Variants in RAB19 observed in about 807,000 individuals in gnomAD.
RAB19 encodes ras-related protein Rab-19.
Under a neutral mutation model 17.3 loss-of-function variants are expected in RAB19, and 21 were observed. The ratio of observed to expected loss-of-function variants is 1.21; its 90% confidence interval spans 0.86 to 1.74. RAB19 has a LOEUF of 1.74. RAB19 is among the 40% of genes most tolerant of loss of function. The pLI is 0.00. For synonymous variants in RAB19, 126 were observed against 110.4 expected (o/e 1.14, Z -0.88); for missense variants, 277 against 286.8 (o/e 0.97, Z 0.25).
intron 1 of RAB19, among the ~76,000 whole-genome samples, chr7:140,406,634 T>C (rs2130080720): frequency 6.6e-6 from 1 of 151,180 alleles, no homozygotes; most frequent in South Asian, 2.1e-4. Context: ...GCGAGACTCT[T>C]TGTCTCAAAA....
intron 1 of RAB19, among the ~76,000 whole-genome samples, chr7:140,406,452 C>T (rs976648398): frequency 3.3e-5 from 5 of 151,356 alleles, no homozygotes; most frequent in Non-Finnish European, 2.9e-5. Flanking sequence ...CCAGCCTGAC[C>T]AACATGGTGA....
intron 3 of RAB19, among the ~76,000 whole-genome samples, chr7:140,425,353 C>T (rs1202662355): frequency 6.6e-6 from 1 of 152,000 alleles, no homozygotes; most frequent in Admixed American, 6.6e-5. Flanking sequence ...ATCCTGATCA[C>T]AGTCTACTCA....
At chr7:140,406,278 A>G (rs1412855120) in intron 1 of RAB19, among the ~76,000 whole-genome samples, 2 of 148,536 alleles carry the variant, frequency 1.3e-5, no homozygotes, top group African/African-American at 5.0e-5. Flanking sequence ...AAGGAAATAT[A>G]TATTTTTCAA....
Position 140,411,927 on chromosome 7 carries a change from C to T in RAB19, c.255C>T (p.Ser85=). 6.2e-7 allele frequency: 1 copy of T among 1,614,230 alleles called. No individual in the cohort carries two copies. Among genetic ancestry groups the T allele is most frequent in the Non-Finnish European group, 8.5e-7 (1 of 1,180,042 alleles). ...GQERFRTITQ[S]YYRSAHAAII... ...AGCGCTTCCGCACCATCACCCAAAG[C>T]TACTACCGCAGTGCCCACGCAGCCA... The change falls in exon 3 of 4, where the codon AGC becomes AGT. Residue 85 remains serine, a synonymous_variant. Transcript: ENST00000537763.
chr7:140,407,879 C>CTTTTTTTTTT (rs1563068677), intron 2 of RAB19, 32 bp downstream of exon 2: 1 of 836,854 alleles, frequency 1.2e-6, no homozygotes, highest in African/African-American at 1.9e-5. Context: ...ACTGGTTCCA[C>CTTTTTTTTTT]CTTTTTTTTT....
Position 140,420,953 on chromosome 7 carries a change from C to T in RAB19, c.386-4929C>T, listed in dbSNP as rs11983189. ...TGTCGCCCAGGTTGGAGTGCAGTGGCGCGATATTGACTCACTGCAACCTCC... is the reference window on the plus strand; with the variant it reads ...TGTCGCCCAGGTTGGAGTGCAGTGGTGCGATATTGACTCACTGCAACCTCC... On this transcript the variant is annotated intron_variant, in intron 3 of 3. Transcript: ENST00000537763. Among the ~76,000 whole-genome samples the T allele has an allele frequency of 5.0e-3, 761 of 151,512 alleles. 10 individuals carry two copies. Among genetic ancestry groups the T allele is most frequent in the Middle Eastern group, 0.017 (5 of 288 alleles).
chr7:140,411,122 G>A (rs1799352588), intron 2 of RAB19: 7 of 1,366,718 alleles, frequency 5.1e-6, no homozygotes, highest in Non-Finnish European at 6.9e-6. Context: ...CCTCTCGGCC[G>A]GGCGCAGTGG....
intron 2 of RAB19, 149 bp from the exon 3 acceptor site, chr7:140,411,725 T>C: frequency 1.3e-6 from 2 of 1,505,660 alleles, no homozygotes; most frequent in Non-Finnish European, 1.8e-6. Flanking sequence ...ACTGAAAGAA[T>C]AGATCCCTGG....
At chr7:140,421,510 C>T (rs1415395678) in intron 3 of RAB19, among the ~76,000 whole-genome samples, 2 of 152,140 alleles carry the variant, frequency 1.3e-5, no homozygotes, top group Non-Finnish European at 2.9e-5. Context: ...CAGGCACGTG[C>T]CACTACGCCC....
rs990087609 is a variant in RAB19, at chr7:140,416,078, C to T, written c.385+4021C>T. Among the ~76,000 whole-genome samples, 13 of 151,984 alleles carry T rather than the reference C, an allele frequency of 8.6e-5. 1 individual carries two copies. In the East Asian group the frequency reaches 2.1e-3, roughly 25 times the overall value. On this transcript the variant is annotated intron_variant, in intron 3 of 3. Transcript: ENST00000537763. ...AAACAAACAGCCGGGTGCAGTGGCT[C>T]ACGTCTGTAATCCTAGCACTTTGGG...
intron 3 of RAB19, among the ~76,000 whole-genome samples, chr7:140,423,729 C>T (rs1447111412): frequency 2.0e-5 from 3 of 152,180 alleles, no homozygotes; most frequent in Non-Finnish European, 4.4e-5. Flanking sequence ...GAGAATAGAA[C>T]TGTTCAGTGC....
intron 2 of RAB19, among the ~76,000 whole-genome samples, chr7:140,410,134 C>T (rs1046063918): frequency 1.3e-5 from 2 of 150,758 alleles, no homozygotes; most frequent in African/African-American, 4.9e-5. Context: ...GTATGAGGTT[C>T]TTTTTTTATG....
chr7:140,421,372 G>T (rs1307141342), intron 3 of RAB19, among the ~76,000 whole-genome samples: 1 of 151,142 alleles, frequency 6.6e-6, no homozygotes, highest in African/African-American at 2.4e-5. Context: ...GTTTTGTTTT[G>T]TTTTTTGAGA....
chr7:140,416,828 C>T (rs1379397923), intron 3 of RAB19, among the ~76,000 whole-genome samples: 1 of 152,062 alleles, frequency 6.6e-6, no homozygotes, highest in African/African-American at 2.4e-5. Context: ...GTGGCTCACA[C>T]CTATAAATCC....
chr7:140,425,560 A>T (rs1799649505), intron 3 of RAB19, among the ~76,000 whole-genome samples: 1 of 151,720 alleles, frequency 6.6e-6, no homozygotes, highest in Admixed American at 6.6e-5. Context: ...CACCTTCTCT[A>T]CTAAAAATAC....
At chr7:140,410,334 T>TTTG (rs1799334474) in intron 2 of RAB19, among the ~76,000 whole-genome samples, 1 of 138,800 alleles carries the variant, frequency 7.2e-6, no homozygotes, top group Non-Finnish European at 1.6e-5. Context: ...TTTTTTTTTT[T>TTTG]TTTGAGACGG....
Position 140,415,773 on chromosome 7 carries a change from T to C in RAB19, c.385+3716T>C, listed in dbSNP as rs573414152. On this transcript the variant is annotated intron_variant, in intron 3 of 3. Transcript: ENST00000537763. ...TACAAAAATTAGCCAGATGTGGTGG[T>C]GCACGCCTGGAGTCCCAGCTACTCA... Among the ~76,000 whole-genome samples the C allele has an allele frequency of 1.5e-4, 16 of 103,780 alleles. No homozygotes were observed. In the East Asian group the frequency reaches 2.8e-3, roughly 18 times the overall value. 68.1% of individuals were successfully genotyped at this position (103,780 alleles called of 152,430 possible).
At chr7:140,407,409 C>T (rs1194525511) in intron 1 of RAB19, among the ~76,000 whole-genome samples, 1 of 152,160 alleles carries the variant, frequency 6.6e-6, no homozygotes, top group African/African-American at 2.4e-5. Context: ...CAGAGAATGG[C>T]AGTAGAACCT....
chr7:140,423,427 G>A (rs942790263), intron 3 of RAB19, among the ~76,000 whole-genome samples: 2 of 142,950 alleles, frequency 1.4e-5, no homozygotes, highest in African/African-American at 5.3e-5. Flanking sequence ...GTAACAGAGA[G>A]AGACTACATT....
Sources: allele counts gnomAD v4.1 joint callset (sites outside exome capture counted in the v4.1 genomes callset), GRCh38; gene constraint gnomAD v4.1.1; transcripts MANE v1.5; gene names NCBI Gene and HGNC (gene_info 2026-07-23, HGNC 2026-07-21).